Variants in ATXN3 observed in about 807,000 individuals in gnomAD.
ATXN3 encodes the protein ataxin-3.
ATXN3 carries 28 observed loss-of-function variants against 58.2 expected under a neutral mutation model. The ratio of observed to expected loss-of-function variants is 0.48; its 90% confidence interval spans 0.36 to 0.66. The LOEUF (loss-of-function observed/expected upper bound fraction) is 0.66, where lower values mean the gene tolerates loss of function less well. ATXN3 is among the 30% of genes least tolerant of loss of function. ATXN3 has a pLI of 0.00. For synonymous variants in ATXN3, 113 were observed against 138.5 expected, an observed-to-expected ratio of 0.82 and a Z score of 1.29; for missense variants, 321 against 422.1, an observed-to-expected ratio of 0.76 and a Z score of 2.10.
At position 92,060,264 on chromosome 14, in the gene ATXN3, A is replaced by ATTTT. The variant is rs1353573210; in HGVS notation, c.*4055_*4056insAAAA. 6.5e-4 allele frequency: 73 copies of ATTTT among 112,098 alleles called. No homozygotes were observed. The highest frequency in any genetic ancestry group is 2.0e-3 in the African/African-American group (55 of 27,994). The allele number at this position is 112,098 out of a possible 1,614,324, so 6.9% of individuals were successfully genotyped here. The stretch of plus-strand genomic sequence containing the variant: ...TATATACACACATATATATATATAT[A>ATTTT]TATATATTTTTTTTTTTCAGAAACA... On this transcript the variant is annotated 3_prime_UTR_variant, in exon 11 of 11. Coordinates refer to ENST00000644486, the MANE Select transcript of ATXN3 (RefSeq NM_004993.6).
rs762497293 is a variant in ATXN3, at chr14:92,064,342, A to G, written c.1064T>C (p.Leu355Ser). The change falls in exon 11 of 11, where the codon TTG becomes TCG. Residue 355 changes from leucine (L) to serine (S), a missense_variant. This residue lies in a region of ATXN3 where 200 missense variants were observed against 223.2 expected (regional missense o/e 0.90). Coordinates refer to ENST00000644486, the MANE Select transcript of ATXN3 (RefSeq NM_004993.6). ...TMSLETVRNDLKTEGKK is the reference protein window; with the variant it reads ...TMSLETVRNDSKTEGKK ...GTATTATTTTTTTCCTTCTGTTTTCAAATCATTTCTGACAGTTTCTAAAGA... is the reference window on the plus strand; with the variant it reads ...GTATTATTTTTTTCCTTCTGTTTTCGAATCATTTCTGACAGTTTCTAAAGA... 52 of 1,611,120 alleles carry G rather than the reference A, an allele frequency of 3.2e-5. No homozygotes were observed. The highest frequency in any genetic ancestry group is 3.7e-5 in the Non-Finnish European group (44 of 1,177,806).
intron 9 of ATXN3, among the ~76,000 whole-genome samples, chr14:92,074,028 A>G (rs919907169): frequency 6.7e-6 from 1 of 150,084 alleles, no homozygotes; most frequent in Non-Finnish European, 1.5e-5. Context: ...AAAAAAAAAA[A>G]AAAAAAGGGA....
Position 92,082,454 on chromosome 14 carries a change from T to C in ATXN3, c.621A>G (p.Thr207=). 1.2e-6 allele frequency: 2 copies of C among 1,613,680 alleles called. No homozygotes were observed. The highest frequency in any genetic ancestry group is 1.7e-6 in the Non-Finnish European group (2 of 1,179,702). Residue 207 remains threonine, a synonymous_variant, in exon 8 of 11, where the codon ACA becomes ACG. Transcript: ENST00000644486. ...AQLKEQRVHK[T]DLERVLEAND... is the part of the protein sequence containing the mutation. ...TTGCTTCTAACACTCGTTCCAGGTCTGTTTTATGGACTCTAAAGAACAAAA... is the reference window on the plus strand; with the variant it reads ...TTGCTTCTAACACTCGTTCCAGGTCCGTTTTATGGACTCTAAAGAACAAAA...
At chr14:92,090,830 A>G (rs1366321466) in intron 5 of ATXN3, among the ~76,000 whole-genome samples, 1 of 152,214 alleles carries the variant, frequency 6.6e-6, no homozygotes, top group East Asian at 1.9e-4. Flanking sequence ...ACTGGATCAT[A>G]ATTTTTAAAA....
At chr14:92,102,597 C>G (rs1445294594) in intron 1 of ATXN3, among the ~76,000 whole-genome samples, 1 of 152,214 alleles carries the variant, frequency 6.6e-6, no homozygotes, top group African/African-American at 2.4e-5. Flanking sequence ...CTCACCTCCT[C>G]TTAGTGCTCT....
At position 92,071,265 on chromosome 14, in the gene ATXN3, A is replaced by G. The variant is rs1479069279; in HGVS notation, c.873-212T>C. ...AAATCTAGACATAAAATTTAAATTT[A>G]TCAGACAAATTAAGAGGTAGGTATT... is the stretch of plus-strand genomic sequence containing the variant. On this transcript the variant is annotated intron_variant, in intron 9 of 10. Coordinates refer to ENST00000644486, the MANE Select transcript of ATXN3 (RefSeq NM_004993.6). The G allele has an allele frequency of 8.3e-6, 7 of 841,294 alleles. No homozygotes were observed. In the East Asian group the frequency reaches 1.9e-4, roughly 23 times the overall value. The allele number at this position is 841,294 out of a possible 1,614,324, so 52.1% of individuals were successfully genotyped here. A position where few individuals can be genotyped will look rare whatever the true frequency, so the allele number is the denominator to read the frequency against.
chr14:92,106,428 G>T, intron 1 of ATXN3, 101 bp downstream of exon 1: 1 of 1,491,342 alleles, frequency 6.7e-7, no homozygotes, highest in Non-Finnish European at 9.3e-7. Flanking sequence ...ATCGGCATGG[G>T]GGCGACTCGG....
intron 3 of ATXN3, among the ~76,000 whole-genome samples, chr14:92,095,327 T>TACGA (rs1473919426): frequency 2.6e-5 from 4 of 152,096 alleles, no homozygotes; most frequent in Non-Finnish European, 5.9e-5. Flanking sequence ...CACTGCAACC[T>TACGA]ACGACTCCCT....
At chr14:92,051,754 ATC>A (rs1182751817), upstream of ATXN3, among the ~76,000 whole-genome samples, 1 of 51,438 alleles carries the variant, frequency 1.9e-5, no homozygotes, top group African/African-American at 8.0e-5. Flanking sequence ...TTGAGATGGG[ATC>A]TCTCTCTGTC....
Position 92,061,394 on chromosome 14 carries a change from T to C in ATXN3, c.*2926A>G, listed in dbSNP as rs2057770344. On this transcript the variant is annotated 3_prime_UTR_variant, in exon 11 of 11. Coordinates refer to ENST00000644486, the MANE Select transcript of ATXN3 (RefSeq NM_004993.6). ...ACATGATTACCGTAAAAAACATAGA[T>C]TGATGGTTTTAGATCAGAGATTAAC... The C allele has an allele frequency of 1.3e-5, 2 of 152,198 alleles. No individual in the cohort carries two copies. Among genetic ancestry groups the C allele is most frequent in the African/African-American group, 4.8e-5 (2 of 41,454 alleles). The allele number at this position is 152,198 out of a possible 1,614,324, so 9.4% of individuals were successfully genotyped here. A position where few individuals can be genotyped will look rare whatever the true frequency, so the allele number is the denominator to read the frequency against.
intron 6 of ATXN3, 137 bp downstream of exon 6, chr14:92,088,593 G>T: frequency 1.4e-6 from 1 of 696,842 alleles, no homozygotes; most frequent in Admixed American, 2.3e-5. Flanking sequence ...CCAAATCACA[G>T]CCTATCACCA....
chr14:92,050,611 A>G (rs1180573743), upstream of ATXN3: 1 of 152,310 alleles, frequency 6.6e-6, no homozygotes, highest in East Asian at 1.9e-4. Flanking sequence ...TTACTCAAGC[A>G]GTGGGATCAT....
chr14:92,066,485 A>G (rs981273438), intron 10 of ATXN3, among the ~76,000 whole-genome samples: 2 of 152,074 alleles, frequency 1.3e-5, no homozygotes, highest in Non-Finnish European at 2.9e-5. Context: ...TGTTTAGAGA[A>G]ATTCCTTTAG....
At chr14:92,097,881 AC>A (rs2065803696) in intron 1 of ATXN3, among the ~76,000 whole-genome samples, 1 of 152,184 alleles carries the variant, frequency 6.6e-6, no homozygotes, top group African/African-American at 2.4e-5. Context: ...AGGATAATTA[AC>A]ATAGGTACAT....
At chr14:92,048,306 G>A (rs898912681) in intron 1 of ATXN3, among the ~76,000 whole-genome samples, 1 of 152,196 alleles carries the variant, frequency 6.6e-6, no homozygotes, top group African/African-American at 2.4e-5. Flanking sequence ...TCAGAAATAC[G>A]TTACTACTTG....
At chr14:92,093,905 T>C (rs771430842) in intron 3 of ATXN3, 74 bp from the exon 4 acceptor site, 29 of 892,534 alleles carry the variant, frequency 3.2e-5, no homozygotes, top group Non-Finnish European at 5.0e-5. Context: ...GCTATGTTAG[T>C]TGTGTACTTC....
chr14:92,081,554 T>C (rs1375033695), intron 8 of ATXN3, among the ~76,000 whole-genome samples: 1 of 150,824 alleles, frequency 6.6e-6, no homozygotes, highest in African/African-American at 2.4e-5. Context: ...CAGGACTCTA[T>C]TAATCAAAAA....
At chr14:92,087,354 G>C (rs2062815549) in intron 6 of ATXN3, among the ~76,000 whole-genome samples, 1 of 152,212 alleles carries the variant, frequency 6.6e-6, no homozygotes, top group South Asian at 2.1e-4. Context: ...AACAGGCTAA[G>C]GCAAGAGAAT....
At position 92,073,269 on chromosome 14, in the gene ATXN3, G is replaced by A. The variant is rs10467748; in HGVS notation, c.873-2216C>T. Among the ~76,000 whole-genome samples, 444 of 152,356 alleles carry A rather than the reference G, an allele frequency of 2.9e-3. 2 individuals are homozygous for A. Among genetic ancestry groups the A allele is most frequent in the African/African-American group, 0.01 (424 of 41,582 alleles). ...ACCTTCCAGCTGTGAAGACACTGAGGTGGAACATGTTCAAGTGGTACTCAG... is the reference window on the plus strand; with the variant it reads ...ACCTTCCAGCTGTGAAGACACTGAGATGGAACATGTTCAAGTGGTACTCAG... On this transcript the variant is annotated intron_variant, in intron 9 of 10. Coordinates refer to ENST00000644486, the MANE Select transcript of ATXN3 (RefSeq NM_004993.6).
Sources: allele counts gnomAD v4.1 joint callset (sites outside exome capture counted in the v4.1 genomes callset), GRCh38; gene constraint gnomAD v4.1.1; regional missense constraint gnomAD v4.1.1; transcripts MANE v1.5; gene names NCBI Gene and HGNC (gene_info 2026-07-23, HGNC 2026-07-21).